Variants in KAZN observed in about 807,000 individuals in gnomAD.
The protein encoded by KAZN is kazrin.
Under a neutral mutation model 87.4 loss-of-function variants are expected in KAZN, and 40 were observed. The ratio of observed to expected loss-of-function variants is 0.46; its 90% confidence interval spans 0.36 to 0.60. The LOEUF (loss-of-function observed/expected upper bound fraction) is 0.60. Among genes scored for constraint, KAZN ranks in the 20% least tolerant of loss-of-function variants. The probability of loss-of-function intolerance (pLI) is 0.00; values close to 1 mark genes in which losing one functional copy is unlikely to be tolerated. For missense variants in KAZN, 898 were observed against 1,073.9 expected (o/e 0.84, Z 2.29); for synonymous variants, 466 against 458.3 (o/e 1.02, Z -0.22).
intron 2 of KAZN, among the ~76,000 whole-genome samples, chr1:14,282,925 T>C (rs932031009): frequency 6.6e-6 from 1 of 151,682 alleles, no homozygotes; most frequent in Non-Finnish European, 1.5e-5. Flanking sequence ...TTGCAAGGAG[T>C]GGAGTGCTGT....
intron 1 of KAZN, among the ~76,000 whole-genome samples, chr1:14,002,768 A>G (rs908951705): frequency 2.6e-5 from 4 of 152,356 alleles, no homozygotes; most frequent in Admixed American, 6.5e-5. Context: ...AATGTAAATT[A>G]GTTCAACCAT....
At chr1:13,984,876 A>G (rs1345422779) in intron 1 of KAZN, among the ~76,000 whole-genome samples, 1 of 152,220 alleles carries the variant, frequency 6.6e-6, no homozygotes, top group Non-Finnish European at 1.5e-5. Context: ...CTATAAGCAG[A>G]TATGTGCAAC....
chr1:14,469,569 C>T (rs568290279), intron 2 of KAZN, among the ~76,000 whole-genome samples: 4 of 152,274 alleles, frequency 2.6e-5, no homozygotes, highest in Admixed American at 2.0e-4. Context: ...AAATATACAG[C>T]GTTGCCAGAG....
At chr1:14,568,354 G>A (rs186341283) in intron 2 of KAZN, among the ~76,000 whole-genome samples, 22 of 152,262 alleles carry the variant, frequency 1.4e-4, no homozygotes, top group East Asian at 7.7e-4. Flanking sequence ...GTATTAGTCC[G>A]CTTTCATGCT....
rs182246528 is a variant in KAZN at position 14,457,908 on chromosome 1, C to G, written c.250-141075C>G. 3.3e-3 allele frequency among the ~76,000 whole-genome samples: 497 copies of G among 151,508 alleles called. 2 individuals carry two copies. Among genetic ancestry groups the G allele is most frequent in the Admixed American group, 4.5e-3 (68 of 15,230 alleles). On this transcript the variant is annotated intron_variant, in intron 2 of 16. Transcript: ENST00000636203. The stretch of plus-strand genomic sequence containing the variant: ...TCTCGGCTCACTGCAAGCTCTGCCT[C>G]CCGTGTTCACGCCATTCTCCCGCCT...
chr1:14,731,888 G>A (rs569851777), intron 1 of KAZN, among the ~76,000 whole-genome samples: 20 of 152,294 alleles, frequency 1.3e-4, no homozygotes, highest in African/African-American at 4.6e-4. Flanking sequence ...GGTTGGGAGC[G>A]TTCCGTGAGA....
chr1:14,769,220 A>T lies in KAZN; in HGVS notation c.226+169997A>T, dbSNP rs1644960106. On this transcript the variant is annotated intron_variant, in intron 1 of 14. Coordinates refer to ENST00000376030, the MANE Select transcript of KAZN (RefSeq NM_201628.3). The surrounding 1 kb of genome is among the most constrained non-coding windows in gnomAD (Gnocchi z 4.1). ...TTCACTCTGATAAGCTTGGCGTGCT[A>T]GTTTCCATGGACTTTTGCTTGGGTT... 6.6e-6 allele frequency among the ~76,000 whole-genome samples: 1 copy of T among 152,148 alleles called. No individual in the cohort carries two copies.
intron 2 of KAZN, among the ~76,000 whole-genome samples, chr1:14,560,362 T>C (rs574360596): frequency 3.3e-5 from 5 of 152,186 alleles, no homozygotes; most frequent in South Asian, 2.1e-4. Context: ...GGTGGATCAC[T>C]TGAGGTCAGG....
At chr1:14,419,843 G>C (rs116564140) in intron 2 of KAZN, among the ~76,000 whole-genome samples, 12 of 152,156 alleles carry the variant, frequency 7.9e-5, no homozygotes, top group African/African-American at 2.9e-4. Context: ...AGTGAAGCCA[G>C]ACACCTTTGC....
chr1:15,023,896 T>G, intron 2 of KAZN, among the ~76,000 whole-genome samples: 1 of 121,722 alleles, frequency 8.2e-6, no homozygotes, highest in African/African-American at 3.1e-5. Flanking sequence ...GGGTGGAGTA[T>G]GAGAAAAGTT....
At chr1:14,367,773 G>A (rs1447335320) in intron 2 of KAZN, among the ~76,000 whole-genome samples, 2 of 152,150 alleles carry the variant, frequency 1.3e-5, no homozygotes, top group Non-Finnish European at 2.9e-5. Flanking sequence ...GATGGCAGGA[G>A]GCAAGCAGGG....
chr1:14,712,975 T>C (rs1337284843), intron 1 of KAZN, among the ~76,000 whole-genome samples: 2 of 152,200 alleles, frequency 1.3e-5, no homozygotes, highest in Admixed American at 1.3e-4. Flanking sequence ...CAGTTGTTTT[T>C]TAATGCCGCA....
chr1:13,959,671 A>G (rs1362633186), intron 1 of KAZN, among the ~76,000 whole-genome samples: 1 of 152,110 alleles, frequency 6.6e-6, no homozygotes, highest in Non-Finnish European at 1.5e-5. Context: ...AGTTCTCATT[A>G]TAGATCACAG....
At chr1:14,189,384 T>C (rs1275753110) in intron 2 of KAZN, among the ~76,000 whole-genome samples, 1 of 152,198 alleles carries the variant, frequency 6.6e-6, no homozygotes, top group Non-Finnish European at 1.5e-5. Flanking sequence ...CTGAGAATCA[T>C]GGCATAGATT....
rs116054106 is a variant in KAZN at position 14,666,543 on chromosome 1, G to A, written c.226+67320G>A. 9.6e-3 allele frequency among the ~76,000 whole-genome samples: 1,464 copies of A among 152,286 alleles called. 11 individuals are homozygous for A. The highest frequency in any genetic ancestry group is 0.027 in the Middle Eastern group (8 of 294). On this transcript the variant is annotated intron_variant, in intron 1 of 14. Coordinates refer to ENST00000376030, the MANE Select transcript of KAZN (RefSeq NM_201628.3). ...TCACTTAAGGCAGCAGAACGTTACT[G>A]TGTCTGTTGAGAAAGCTGGAAGTAC...
upstream of KAZN, among the ~76,000 whole-genome samples, chr1:14,596,175 TA>T (rs1219842063): frequency 6.6e-6 from 1 of 152,130 alleles, no homozygotes; most frequent in African/African-American, 2.4e-5. Flanking sequence ...ATGAATGACA[TA>T]AAAAGCCGGA....
intron 8 of KAZN, 118 bp downstream of exon 8, chr1:15,065,871 C>T (rs550173796): frequency 1.2e-5 from 18 of 1,527,158 alleles, no homozygotes; most frequent in Middle Eastern, 1.8e-4. Flanking sequence ...AGCGTGGGTG[C>T]GCGTGTGGCC....
At chr1:14,412,378 A>G (rs1178994911) in intron 2 of KAZN, among the ~76,000 whole-genome samples, 1 of 152,228 alleles carries the variant, frequency 6.6e-6, no homozygotes, top group Non-Finnish European at 1.5e-5. Context: ...CACTACTTAC[A>G]AAGTTATCTG....
At chr1:14,937,767 T>C (rs1408370387) in intron 1 of KAZN, among the ~76,000 whole-genome samples, 2 of 152,214 alleles carry the variant, frequency 1.3e-5, no homozygotes, top group Non-Finnish European at 2.9e-5. Context: ...CTCCTCTCAG[T>C]CTTCCCAGTG....
Sources: allele counts gnomAD v4.1 joint callset (sites outside exome capture counted in the v4.1 genomes callset), GRCh38; gene constraint gnomAD v4.1.1; non-coding constraint Gnocchi (gnomAD v3.1); transcripts MANE v1.5; gene names NCBI Gene and HGNC (gene_info 2026-07-23, HGNC 2026-07-21).